The following PREP variants were observed in gnomAD, a reference collection of about 807,000 sequenced individuals.
PREP encodes the protein dJ355L5.1 (prolyl endopeptidase).
PREP carries 29 observed loss-of-function variants against 87.6 expected under a neutral mutation model. The observed-to-expected ratio is 0.33, with a 90% CI of 0.25 to 0.45. The LOEUF (loss-of-function observed/expected upper bound fraction) is 0.45. PREP is among the 20% of genes least tolerant of loss of function. The pLI is 1.00. For missense variants in PREP, 695 were observed against 886.5 expected, an observed-to-expected ratio of 0.78 and a Z score of 2.74; for synonymous variants, 337 against 328.6, an observed-to-expected ratio of 1.03 and a Z score of -0.28.
intron 5 of PREP, among the ~76,000 whole-genome samples, chr6:105,370,897 A>AT (rs1465958599): frequency 2.6e-5 from 4 of 152,168 alleles, no homozygotes; most frequent in Admixed American, 6.5e-5. Context: ...AAGACAAAGG[A>AT]TTTTTAGGGC....
intron 13 of PREP, 114 bp from the exon 14 acceptor site, chr6:105,282,016 G>A: frequency 7.9e-7 from 1 of 1,271,374 alleles, no homozygotes; most frequent in Non-Finnish European, 1.1e-6. Flanking sequence ...CATTTATCCA[G>A]AGCACAAGAG....
intron 10 of PREP, chr6:105,302,580 C>T: frequency 2.4e-6 from 1 of 412,030 alleles, no homozygotes; most frequent in South Asian, 2.0e-5. Flanking sequence ...GGCCGCAGGT[C>T]CAGGGGCTTG....
intron 1 of PREP, 58 bp from the exon 2 acceptor site, chr6:105,397,985 T>A: frequency 1.5e-6 from 2 of 1,309,626 alleles, no homozygotes; most frequent in Non-Finnish European, 1.1e-6. Context: ...TTAAAACTGG[T>A]ATTTTTTTAA....
At chr6:105,339,624 A>G (rs1003858474) in intron 7 of PREP, among the ~76,000 whole-genome samples, 1 of 152,196 alleles carries the variant, frequency 6.6e-6, no homozygotes, top group African/African-American at 2.4e-5. Flanking sequence ...CATTGCAAAG[A>G]AGCTAAAAAC....
At chr6:105,371,766 C>T (rs1772563469) in intron 5 of PREP, among the ~76,000 whole-genome samples, 1 of 152,146 alleles carries the variant, frequency 6.6e-6, no homozygotes, top group South Asian at 2.1e-4. Context: ...TGCTTAGCTT[C>T]ATTTGTAAGG....
chr6:105,391,447 C>T (rs1773144177), intron 2 of PREP, among the ~76,000 whole-genome samples: 1 of 152,154 alleles, frequency 6.6e-6, no homozygotes, highest in Admixed American at 6.5e-5. Flanking sequence ...GTCTCAAACT[C>T]CAGGGCTCAA....
At chr6:105,401,793 C>T (rs918505316) in intron 1 of PREP, among the ~76,000 whole-genome samples, 2 of 152,168 alleles carry the variant, frequency 1.3e-5, no homozygotes, top group African/African-American at 4.8e-5. Context: ...TCCTTTACTC[C>T]GAAGCGTCAG....
intron 7 of PREP, among the ~76,000 whole-genome samples, chr6:105,333,951 C>T (rs1042089624): frequency 1.3e-5 from 2 of 152,058 alleles, no homozygotes; most frequent in Admixed American, 6.5e-5. Context: ...GCTGTCACAA[C>T]TTGAGGGTGG....
intron 7 of PREP, among the ~76,000 whole-genome samples, chr6:105,351,826 C>T (rs1184315088): frequency 6.6e-6 from 1 of 152,086 alleles, no homozygotes; most frequent in East Asian, 1.9e-4. Context: ...GTGGCCAATG[C>T]TGGTTTCTTG....
intron 2 of PREP, among the ~76,000 whole-genome samples, chr6:105,388,373 A>C (rs1402459804): frequency 6.6e-6 from 1 of 151,968 alleles, no homozygotes; most frequent in African/African-American, 2.4e-5. Context: ...GGTCCATTCC[A>C]AGCTGCCTTC....
intron 4 of PREP, among the ~76,000 whole-genome samples, 168 bp downstream of exon 4, chr6:105,375,957 T>G (rs913161729): frequency 1.3e-5 from 2 of 152,230 alleles, no homozygotes; most frequent in Non-Finnish European, 2.9e-5. Flanking sequence ...TATTCATGTA[T>G]TCTAAATATA....
rs184612985 is a variant in PREP, at chr6:105,277,522, A to G, written c.*622T>C. 2.1e-4 allele frequency: 32 copies of G among 152,220 alleles called. No individual in the cohort carries two copies. Among genetic ancestry groups the G allele is most frequent in the African/African-American group, 7.8e-4 (32 of 41,126 alleles). The allele number at this position is 152,220 out of a possible 1,614,324, so 9.4% of individuals were successfully genotyped here. A position where few individuals can be genotyped will look rare whatever the true frequency, so the allele number is the denominator to read the frequency against. On this transcript the variant is annotated 3_prime_UTR_variant, in exon 15 of 15. Transcript: ENST00000652536. ...TTTATGACAGTGAACCCCCTCTGAC[A>G]GCTTCATCACCTCTAACAAACAAAC...
chr6:105,306,093 T>G (rs1408731519), intron 10 of PREP, among the ~76,000 whole-genome samples: 2 of 152,160 alleles, frequency 1.3e-5, no homozygotes, highest in Non-Finnish European at 2.9e-5. Context: ...TCCTCCTGCC[T>G]CGGCCTCCCA....
At chr6:105,307,051 A>G (rs972070389) in intron 10 of PREP, among the ~76,000 whole-genome samples, 1 of 152,208 alleles carries the variant, frequency 6.6e-6, no homozygotes, top group African/African-American at 2.4e-5. Context: ...CTGACCAATA[A>G]AAAAGCAATT....
intron 10 of PREP, among the ~76,000 whole-genome samples, chr6:105,290,240 G>A (rs950211603): frequency 6.6e-6 from 1 of 152,138 alleles, no homozygotes; most frequent in Non-Finnish European, 1.5e-5. Context: ...GTGTGGGTAG[G>A]TACAAGTAAA....
Position 105,278,495 on chromosome 6 carries a change from C to G in PREP, c.1839-57G>C. On this transcript the variant is annotated intron_variant, in intron 14 of 14. Coordinates refer to ENST00000652536, the MANE Select transcript of PREP (RefSeq NM_002726.5). This position sits in a 1 kb window ranked among gnomAD's most constrained non-coding sequence, Gnocchi z 4.2. ...AGAGCAACAGTAGAGTTTTATGGCACAGGGACCTAGGTAGTTAATTAGCAG... is the reference window on the plus strand; with the variant it reads ...AGAGCAACAGTAGAGTTTTATGGCAGAGGGACCTAGGTAGTTAATTAGCAG... 2 of 1,522,078 alleles carry G rather than the reference C, an allele frequency of 1.3e-6. No individual in the cohort carries two copies. Among genetic ancestry groups the G allele is most frequent in the South Asian group, 1.2e-5 (1 of 81,372 alleles). 94.3% of individuals were successfully genotyped at this position (1,522,078 alleles called of 1,614,324 possible).
intron 6 of PREP, among the ~76,000 whole-genome samples, chr6:105,368,632 AC>A (rs1772456808): frequency 6.6e-6 from 1 of 152,224 alleles, no homozygotes; most frequent in Non-Finnish European, 1.5e-5. Flanking sequence ...GTTTTACCTT[AC>A]TAGGTACTTT....
intron 6 of PREP, among the ~76,000 whole-genome samples, chr6:105,357,542 A>G (rs1223632414): frequency 1.3e-5 from 2 of 152,224 alleles, no homozygotes; most frequent in Admixed American, 6.5e-5. Context: ...CATAGCCACT[A>G]AAATTTGCTA....
intron 6 of PREP, among the ~76,000 whole-genome samples, chr6:105,365,846 AT>A (rs1772368403): frequency 6.6e-6 from 1 of 151,634 alleles, no homozygotes; most frequent in Non-Finnish European, 1.5e-5. Context: ...TAAAGATCAA[AT>A]ATAAAGGACT....
Sources: allele counts gnomAD v4.1 joint callset (sites outside exome capture counted in the v4.1 genomes callset), GRCh38; gene constraint gnomAD v4.1.1; non-coding constraint Gnocchi (gnomAD v3.1); transcripts MANE v1.5; gene names NCBI Gene and HGNC (gene_info 2026-07-23, HGNC 2026-07-21).